The following FOXP2 variants were observed in gnomAD, a reference collection of about 807,000 sequenced individuals.
FOXP2 encodes forkhead box P2.
In FOXP2, 12 loss-of-function variants were observed where a neutral mutation model predicts 115.8. The observed-to-expected ratio is 0.10, with a 90% CI of 0.07 to 0.17. The LOEUF (loss-of-function observed/expected upper bound fraction) is 0.17. Among genes scored for constraint, FOXP2 ranks in the 10% least tolerant of loss-of-function variants. The probability of loss-of-function intolerance (pLI) is 1.00; values close to 1 mark genes in which losing one functional copy is unlikely to be tolerated. For missense variants in FOXP2, 629 were observed against 843.5 expected (o/e 0.75, Z 3.15); for synonymous variants, 328 against 297.7 (o/e 1.10, Z -1.05).
At position 114,589,352 on chromosome 7, in the gene FOXP2, T is replaced by TA. The variant is rs200208001; in HGVS notation, c.259-39179dup. 6.1e-4 allele frequency among the ~76,000 whole-genome samples: 92 copies of TA among 151,254 alleles called. 2 individuals carry two copies. Among genetic ancestry groups the TA allele is most frequent in the South Asian group, 2.5e-3 (12 of 4,746 alleles). On this transcript the variant is annotated intron_variant, in intron 3 of 16. Coordinates refer to ENST00000350908, the MANE Select transcript of FOXP2 (RefSeq NM_014491.4). The stretch of plus-strand genomic sequence containing the variant: ...TTCTGCATGATTGTTTAGATTTCTT[T>TA]AAAAAAAAAGCTTCTCCCTTAAAAA...
chr7:114,207,306 G>C (rs781272023), intron 1 of FOXP2, among the ~76,000 whole-genome samples: 12 of 152,154 alleles, frequency 7.9e-5, no homozygotes, highest in Non-Finnish European at 1.8e-4. Flanking sequence ...AGTTCTGTTA[G>C]ATAAAAACTT....
chr7:114,283,449 GAC>G (rs1796387569), intron 1 of FOXP2, among the ~76,000 whole-genome samples: 1 of 152,054 alleles, frequency 6.6e-6, no homozygotes. Context: ...GAATTCAAAA[GAC>G]ACTTGTTTTA....
At chr7:114,217,161 A>G (rs961038067) in intron 1 of FOXP2, among the ~76,000 whole-genome samples, 15 of 152,142 alleles carry the variant, frequency 9.9e-5, no homozygotes, top group African/African-American at 3.6e-4. Flanking sequence ...AGTAAAACGC[A>G]TGGTTTGTAG....
At chr7:114,630,729 A>G (rs965043143) in intron 5 of FOXP2, 2 of 153,536 alleles carry the variant, frequency 1.3e-5, no homozygotes, top group Non-Finnish European at 2.9e-5. Flanking sequence ...ACAGCCATCA[A>G]CTACAGAATA....
At chr7:114,163,914 A>G (rs1400295060) in intron 1 of FOXP2, among the ~76,000 whole-genome samples, 3 of 152,240 alleles carry the variant, frequency 2.0e-5, no homozygotes, top group Non-Finnish European at 4.4e-5. Flanking sequence ...ATTCCTCAGT[A>G]AAAGATCTCA....
intron 2 of FOXP2, among the ~76,000 whole-genome samples, chr7:114,481,915 G>A (rs1796564720): frequency 6.6e-6 from 1 of 150,984 alleles, no homozygotes; most frequent in African/African-American, 2.4e-5. Context: ...ATTTTCTGTT[G>A]ACATTGATGT....
chr7:114,507,604 G>A (rs1797884579), intron 2 of FOXP2, among the ~76,000 whole-genome samples: 1 of 151,904 alleles, frequency 6.6e-6, no homozygotes, highest in Non-Finnish European at 1.5e-5. Context: ...CTCAATGACT[G>A]AAGGATGTCA....
At chr7:114,512,684 A>AT (rs781384269) in intron 2 of FOXP2, among the ~76,000 whole-genome samples, 1 of 152,190 alleles carries the variant, frequency 6.6e-6, no homozygotes, top group African/African-American at 2.4e-5. Flanking sequence ...GATAATCTCA[A>AT]TTTTTTAAGC....
chr7:114,428,510 C>T (rs1386219101), intron 2 of FOXP2, among the ~76,000 whole-genome samples: 1 of 151,396 alleles, frequency 6.6e-6, no homozygotes, highest in East Asian at 1.9e-4. Flanking sequence ...CTGTAGAGTG[C>T]CTTCTAAAAG....
At chr7:114,669,805 T>C (rs1319794204) in intron 16 of FOXP2, 1 of 152,090 alleles carries the variant, frequency 6.6e-6, no homozygotes, top group Non-Finnish European at 1.5e-5. Context: ...AATTTAATGA[T>C]GTACCCACCA....
chr7:114,488,971 G>A (rs1562956077), intron 2 of FOXP2, among the ~76,000 whole-genome samples: 1 of 151,958 alleles, frequency 6.6e-6, no homozygotes, highest in Non-Finnish European at 1.5e-5. Flanking sequence ...AAAAAATAAA[G>A]AATAAAACCC....
chr7:114,115,654 G>A (rs377766765), intron 1 of FOXP2, among the ~76,000 whole-genome samples: 3 of 151,862 alleles, frequency 2.0e-5, no homozygotes, highest in South Asian at 2.1e-4. Flanking sequence ...CAGCTTCCTC[G>A]TGGAACTCTT....
chr7:114,207,894 C>A (rs1045782745), intron 1 of FOXP2, among the ~76,000 whole-genome samples: 1 of 152,236 alleles, frequency 6.6e-6, no homozygotes, highest in African/African-American at 2.4e-5. Context: ...GATATGGTGG[C>A]TCACGCCTAT....
chr7:114,450,765 A>G (rs1038720245), intron 2 of FOXP2, among the ~76,000 whole-genome samples: 42 of 152,078 alleles, frequency 2.8e-4, no homozygotes, highest in Non-Finnish European at 5.9e-5. Context: ...TTTATGATTA[A>G]AAAAACAACC....
At chr7:114,571,417 CAA>C (rs1395022165) in intron 3 of FOXP2, among the ~76,000 whole-genome samples, 2 of 151,824 alleles carry the variant, frequency 1.3e-5, no homozygotes, top group Non-Finnish European at 2.9e-5. Flanking sequence ...TAGTAATCCT[CAA>C]GTCTCCATTC....
At chr7:114,494,313 A>G (rs1030772049) in intron 2 of FOXP2, among the ~76,000 whole-genome samples, 1 of 152,174 alleles carries the variant, frequency 6.6e-6, no homozygotes. Context: ...TCAAATTCAG[A>G]CTATGATACT....
intron 1 of FOXP2, among the ~76,000 whole-genome samples, chr7:114,261,184 C>T (rs1016242393): frequency 6.6e-6 from 1 of 152,092 alleles, no homozygotes; most frequent in African/African-American, 2.4e-5. Context: ...TCTTTGAGCT[C>T]ATCAAATGAA....
At chr7:114,376,098 A>G (rs1584676767) in intron 2 of FOXP2, among the ~76,000 whole-genome samples, 1 of 152,192 alleles carries the variant, frequency 6.6e-6, no homozygotes, top group South Asian at 2.1e-4. Context: ...ATCCAAGATG[A>G]CTCACCATCA....
intron 1 of FOXP2, among the ~76,000 whole-genome samples, chr7:114,178,080 A>G (rs547247606): frequency 1.3e-5 from 2 of 152,058 alleles, no homozygotes; most frequent in South Asian, 4.1e-4. Context: ...AAGTGTAATG[A>G]TGCCTCTCTA....
Sources: gnomAD v4.1 joint callset for allele counts (sites outside exome capture counted in the v4.1 genomes callset) on GRCh38, gnomAD v4.1.1 for gene constraint, MANE v1.5 for transcripts, NCBI Gene and HGNC (gene_info 2026-07-23, HGNC 2026-07-21) for gene names.